Variants in PTPRM observed in about 807,000 individuals in gnomAD.
PTPRM encodes receptor-type tyrosine-protein phosphatase mu.
Under a neutral mutation model 186.7 loss-of-function variants are expected in PTPRM, and 47 were observed. The ratio of observed to expected loss-of-function variants is 0.25; its 90% CI spans 0.20 to 0.32. PTPRM has a LOEUF of 0.32. Among genes scored for constraint, PTPRM ranks in the 10% least tolerant of loss-of-function variants. PTPRM has a pLI of 1.00. For missense variants in PTPRM, 1,494 were observed against 1,865.0 expected, an observed-to-expected ratio of 0.80 and a Z score of 3.66; for synonymous variants, 668 against 674.9, an observed-to-expected ratio of 0.99 and a Z score of 0.16.
intron 14 of PTPRM, among the ~76,000 whole-genome samples, chr18:8,229,189 A>G (rs1436435641): frequency 6.6e-6 from 1 of 152,160 alleles, no homozygotes; most frequent in African/African-American, 2.4e-5. Context: ...GTGAGCGCCT[A>G]CCACATGCCA....
intron 14 of PTPRM, among the ~76,000 whole-genome samples, chr18:8,160,328 A>G (rs2093205380): frequency 6.6e-6 from 1 of 152,122 alleles, no homozygotes; most frequent in African/African-American, 2.4e-5. Context: ...TGCTCTGTTA[A>G]CCAGGCTGGA....
chr18:7,699,211 T>C (rs972060601), intron 1 of PTPRM, among the ~76,000 whole-genome samples: 1 of 152,142 alleles, frequency 6.6e-6, no homozygotes, highest in African/African-American at 2.4e-5. Flanking sequence ...ATGGAAAAAT[T>C]GTCTTCCACG....
intron 2 of PTPRM, among the ~76,000 whole-genome samples, chr18:7,775,410 C>G (rs1277069987): frequency 6.6e-6 from 1 of 152,168 alleles, no homozygotes; most frequent in Non-Finnish European, 1.5e-5. Context: ...GGTTTAGTTG[C>G]TTTTCCAAAT....
At chr18:8,127,067 A>T (rs1294664249) in intron 13 of PTPRM, among the ~76,000 whole-genome samples, 2 of 152,142 alleles carry the variant, frequency 1.3e-5, no homozygotes, top group East Asian at 3.9e-4. Context: ...TGTGTACTCC[A>T]AGCCACACTA....
chr18:8,276,263 A>G (rs746004186), intron 19 of PTPRM, among the ~76,000 whole-genome samples: 1 of 151,976 alleles, frequency 6.6e-6, no homozygotes, highest in Non-Finnish European at 1.5e-5. Context: ...TATCCTGTTT[A>G]CTGCCTATTT....
chr18:7,849,242 T>C (rs1276200018), intron 2 of PTPRM, among the ~76,000 whole-genome samples: 1 of 152,228 alleles, frequency 6.6e-6, no homozygotes, highest in East Asian at 1.9e-4. Context: ...AGGTAAAATG[T>C]CTCAAGTTTC....
intron 1 of PTPRM, among the ~76,000 whole-genome samples, chr18:7,623,873 A>G (rs1202250466): frequency 6.6e-6 from 1 of 152,200 alleles, no homozygotes; most frequent in African/African-American, 2.4e-5. Context: ...GGAGGTGGAC[A>G]CAGGACTTTC....
At chr18:7,646,696 A>G (rs1173478697) in intron 1 of PTPRM, among the ~76,000 whole-genome samples, 2 of 151,922 alleles carry the variant, frequency 1.3e-5, no homozygotes, top group Non-Finnish European at 2.9e-5. Context: ...AAGGCCTAGC[A>G]CCTGTCTTAC....
chr18:8,172,095 T>G (rs2093409692), intron 14 of PTPRM, among the ~76,000 whole-genome samples: 1 of 152,130 alleles, frequency 6.6e-6, no homozygotes, highest in African/African-American at 2.4e-5. Context: ...GTATTCTCGT[T>G]TTCAGCAATA....
intron 14 of PTPRM, among the ~76,000 whole-genome samples, chr18:8,201,338 T>G (rs2093853264): frequency 6.6e-6 from 1 of 152,194 alleles, no homozygotes; most frequent in Admixed American, 6.6e-5. Context: ...AGAAAAGATT[T>G]AAAAACTAAA....
intron 1 of PTPRM, among the ~76,000 whole-genome samples, chr18:7,712,386 A>T (rs1238204520): frequency 6.6e-6 from 1 of 152,116 alleles, no homozygotes; most frequent in Non-Finnish European, 1.5e-5. Flanking sequence ...AAGGTAGATA[A>T]ATCCATGAAG....
intron 13 of PTPRM, among the ~76,000 whole-genome samples, chr18:8,116,208 C>A (rs2145745014): frequency 6.6e-6 from 1 of 152,314 alleles, no homozygotes; most frequent in Admixed American, 6.5e-5. Flanking sequence ...ACAGGAATTT[C>A]AAAATACTGC....
intron 1 of PTPRM, among the ~76,000 whole-genome samples, chr18:7,714,882 A>T (rs576140399): frequency 6.6e-6 from 1 of 152,340 alleles, no homozygotes; most frequent in East Asian, 1.9e-4. Flanking sequence ...TTAATTGCCT[A>T]CCAACCAAAA....
At chr18:7,588,316 C>G (rs960795037) in intron 1 of PTPRM, among the ~76,000 whole-genome samples, 1 of 152,028 alleles carries the variant, frequency 6.6e-6, no homozygotes, top group East Asian at 1.9e-4. Flanking sequence ...CATATTTAAT[C>G]AAATGGAGGT....
chr18:7,839,168 G>T (rs1264292142), intron 2 of PTPRM, among the ~76,000 whole-genome samples: 1 of 152,146 alleles, frequency 6.6e-6, no homozygotes, highest in Non-Finnish European at 1.5e-5. Flanking sequence ...TGCCCACTTG[G>T]TGCTCTACCC....
chr18:8,120,776 T>C (rs1170755517), intron 13 of PTPRM, among the ~76,000 whole-genome samples: 1 of 152,194 alleles, frequency 6.6e-6, no homozygotes, highest in Non-Finnish European at 1.5e-5. Context: ...ATTACTGGTG[T>C]GAACCACGGC....
chr18:7,848,023 T>A (rs1353585922), intron 2 of PTPRM, among the ~76,000 whole-genome samples: 2 of 152,170 alleles, frequency 1.3e-5, no homozygotes, highest in African/African-American at 4.8e-5. Context: ...CCTATCAAAC[T>A]TAATGAGTCT....
At chr18:7,913,047 A>G (rs1037568671) in intron 4 of PTPRM, among the ~76,000 whole-genome samples, 1 of 105,210 alleles carries the variant, frequency 9.5e-6, no homozygotes, top group African/African-American at 4.5e-5. Flanking sequence ...TTCAGAGTAC[A>G]AGTTCTGTTC....
intron 19 of PTPRM, among the ~76,000 whole-genome samples, chr18:8,296,106 C>T (rs916316130): frequency 2.0e-5 from 3 of 152,146 alleles, no homozygotes; most frequent in Admixed American, 6.5e-5. Context: ...CATTTTTACT[C>T]GGTTATACAG....
Sources: allele counts gnomAD v4.1 joint callset (sites outside exome capture counted in the v4.1 genomes callset), GRCh38; gene constraint gnomAD v4.1.1; transcripts MANE v1.5; gene names NCBI Gene and HGNC (gene_info 2026-07-23, HGNC 2026-07-21).